The following AOPEP variants were observed in gnomAD, a reference collection of about 807,000 sequenced individuals.
AOPEP encodes aminopeptidase O.
A neutral mutation model predicts 98.1 loss-of-function variants in AOPEP; 77 were observed. That is an observed-to-expected ratio of 0.78 (90% CI 0.65 to 0.95). The LOEUF (loss-of-function observed/expected upper bound fraction) is 0.95, where lower values mean the gene tolerates loss of function less well. AOPEP is among the 40% of genes least tolerant of loss of function. The pLI is 0.00. For synonymous variants in AOPEP, 346 were observed against 365.3 expected, an observed-to-expected ratio of 0.95 and a Z score of 0.60; for missense variants, 1,024 against 1,024.7, an observed-to-expected ratio of 1.00 and a Z score of 0.01.
chr9:95,080,889 A>G (rs2069674603), intron 15 of AOPEP, 109 bp downstream of exon 15: 2 of 818,154 alleles, frequency 2.4e-6, no homozygotes, highest in Admixed American at 2.0e-5. Flanking sequence ...TAAATCTGTT[A>G]CAGAGATTCT....
chr9:95,144,255 G>A, the AOPEP span, among the ~76,000 whole-genome samples: 5 of 152,218 alleles, frequency 3.3e-5, no homozygotes, highest in African/African-American at 1.2e-4. Context: ...CAGCTCTTAC[G>A]CCACTGCTTG....
chr9:94,734,172 A>G (rs1308491549), intron 1 of AOPEP, among the ~76,000 whole-genome samples: 1 of 152,134 alleles, frequency 6.6e-6, no homozygotes, highest in Non-Finnish European at 1.5e-5. Flanking sequence ...GCACAGCTGC[A>G]GCGCCGGGAA....
chr9:94,828,075 A>G (rs1478931551), intron 5 of AOPEP, among the ~76,000 whole-genome samples: 1 of 152,194 alleles, frequency 6.6e-6, no homozygotes, highest in African/African-American at 2.4e-5. Context: ...GAGGAGGAGC[A>G]GTGGTTGTGG....
At chr9:94,860,188 A>G (rs922044423) in intron 5 of AOPEP, among the ~76,000 whole-genome samples, 8 of 152,196 alleles carry the variant, frequency 5.3e-5, no homozygotes, top group African/African-American at 1.9e-4. Context: ...AGAAGGGCAT[A>G]TTATACAGGA....
intron 14 of AOPEP, among the ~76,000 whole-genome samples, chr9:95,063,130 G>A (rs1034009932): frequency 3.9e-5 from 6 of 152,190 alleles, no homozygotes; most frequent in Admixed American, 6.5e-5. Flanking sequence ...AAAATGAGCC[G>A]AAGGGAAATC....
the AOPEP span, among the ~76,000 whole-genome samples, chr9:95,126,106 G>T: frequency 5.3e-5 from 8 of 152,236 alleles, no homozygotes; most frequent in African/African-American, 1.9e-4. Context: ...CCTTTCAGAA[G>T]AGTTCTGTTA....
At chr9:94,942,904 CAAAAAAAAAAA>C (rs35186299) in intron 7 of AOPEP, among the ~76,000 whole-genome samples, 8 of 82,806 alleles carry the variant, frequency 9.7e-5, no homozygotes, top group Non-Finnish European at 1.7e-4. Context: ...GAGTCTGTCT[CAAAAAAAAAAA>C]AAAAAAAAAA....
the AOPEP span, among the ~76,000 whole-genome samples, chr9:95,124,622 CA>C: frequency 3.3e-5 from 5 of 152,196 alleles, no homozygotes; most frequent in Non-Finnish European, 7.4e-5. Context: ...AGCCAATTCA[CA>C]TTTGGGTCTC....
intron 1 of AOPEP, among the ~76,000 whole-genome samples, chr9:94,729,756 C>G (rs940312621): frequency 6.6e-6 from 1 of 152,122 alleles, no homozygotes; most frequent in Admixed American, 6.5e-5. Flanking sequence ...TCAAAAATGT[C>G]TCAAGACGTT....
At chr9:94,888,295 G>C (rs1049984405) in intron 5 of AOPEP, among the ~76,000 whole-genome samples, 46 of 748 alleles carry the variant, frequency 0.061, no homozygotes, top group African/African-American at 0.14. Flanking sequence ...GAACCTTACC[G>C]TGTGTGTGTG....
chr9:95,012,413 C>T (rs1475270162), intron 13 of AOPEP, among the ~76,000 whole-genome samples: 2 of 152,140 alleles, frequency 1.3e-5, no homozygotes. Flanking sequence ...TAGAGTTCGG[C>T]TGGAAAAGGG....
chr9:94,958,115 G>GACACT (rs1304509911), intron 9 of AOPEP, among the ~76,000 whole-genome samples: 1 of 152,004 alleles, frequency 6.6e-6, no homozygotes, highest in African/African-American at 2.4e-5. Context: ...ACTCTTCTAG[G>GACACT]TACCTCATGT....
intron 5 of AOPEP, among the ~76,000 whole-genome samples, chr9:94,898,515 G>GAGGCAGGAGAATCGCTTGA (rs759195541): frequency 6.6e-6 from 1 of 152,086 alleles, no homozygotes; most frequent in African/African-American, 2.4e-5. Flanking sequence ...TTGGAAGGCT[G>GAGGCAGGAGAATCGCTTGA]AGGCAGGAGA....
At chr9:95,086,278 G>C in intron 16 of AOPEP, 1 of 985,460 alleles carries the variant, frequency 1.0e-6, no homozygotes, top group Non-Finnish European at 1.2e-6. Flanking sequence ...CCTGTTGGCA[G>C]AAAGTTAAGA....
At chr9:94,732,975 T>C (rs975141169) in intron 1 of AOPEP, among the ~76,000 whole-genome samples, 1 of 152,206 alleles carries the variant, frequency 6.6e-6, no homozygotes, top group African/African-American at 2.4e-5. Context: ...CCAAGGACTT[T>C]GACAGTTAGT....
intron 13 of AOPEP, among the ~76,000 whole-genome samples, chr9:95,054,324 G>A (rs2066640084): frequency 6.6e-6 from 1 of 152,148 alleles, no homozygotes. Context: ...CACATCTCTT[G>A]TGAAATACTT....
At chr9:95,089,045 G>A (rs902125417), downstream of AOPEP, among the ~76,000 whole-genome samples, 1 of 152,220 alleles carries the variant, frequency 6.6e-6, no homozygotes, top group African/African-American at 2.4e-5. Flanking sequence ...TCTCCAGGCA[G>A]GAGGCTCCCC....
At chr9:94,872,232 G>A (rs760986918) in intron 5 of AOPEP, among the ~76,000 whole-genome samples, 27 of 152,094 alleles carry the variant, frequency 1.8e-4, no homozygotes, top group Non-Finnish European at 2.9e-4. Context: ...GAACCATCAC[G>A]CACTCTGGCA....
intron 13 of AOPEP, among the ~76,000 whole-genome samples, chr9:95,044,027 A>G (rs753918409): frequency 1.7e-4 from 26 of 152,176 alleles, no homozygotes; most frequent in Non-Finnish European, 3.1e-4. Flanking sequence ...GTTCCTGTCT[A>G]CAAGGCCATT....
Sources: allele counts gnomAD v4.1 joint callset (sites outside exome capture counted in the v4.1 genomes callset), GRCh38; gene constraint gnomAD v4.1.1; transcripts MANE v1.5; gene names NCBI Gene and HGNC (gene_info 2026-07-23, HGNC 2026-07-21).